Variants in R3HDM4 observed in about 807,000 individuals in gnomAD.
The protein encoded by R3HDM4 is R3H domain containing 4.
A neutral mutation model predicts 31.3 loss-of-function variants in R3HDM4; 30 were observed. The observed-to-expected ratio is 0.96, with a 90% CI of 0.72 to 1.30. The LOEUF is 1.30. Ranked by LOEUF, R3HDM4 falls within the 50% of genes most tolerant of loss-of-function variation. R3HDM4 has a pLI of 0.00. For missense variants in R3HDM4, 444 were observed against 366.1 expected (o/e 1.21, Z -1.74); for synonymous variants, 196 against 156.6 (o/e 1.25, Z -1.88).
intron 1 of R3HDM4, among the ~76,000 whole-genome samples, chr19:911,867 A>G (rs1325744379): frequency 6.6e-6 from 1 of 151,864 alleles, no homozygotes; most frequent in Non-Finnish European, 1.5e-5. Flanking sequence ...GATTTACCCA[A>G]AGGAGAGCAA....
chr19:898,664 A>G (rs1290251336), intron 7 of R3HDM4, among the ~76,000 whole-genome samples: 2 of 150,024 alleles, frequency 1.3e-5, no homozygotes, highest in Non-Finnish European at 3.0e-5. Context: ...TCCGCGCCTC[A>G]GCAGTCCCCT....
chr19:908,161 C>T (rs906651042), intron 1 of R3HDM4, among the ~76,000 whole-genome samples: 22 of 151,926 alleles, frequency 1.4e-4, no homozygotes, highest in African/African-American at 5.3e-4. Context: ...CACTGCACTC[C>T]AGCCTGAGTG....
chr19:911,902 A>C (rs1254685635), intron 1 of R3HDM4, among the ~76,000 whole-genome samples: 1 of 151,718 alleles, frequency 6.6e-6, no homozygotes, highest in Admixed American at 6.6e-5. Flanking sequence ...CCGGAAAGGC[A>C]GGGGGCGCGG....
chr19:902,399 C>A, intron 1 of R3HDM4: 2 of 449,724 alleles, frequency 4.4e-6, no homozygotes, highest in Non-Finnish European at 8.1e-6. Context: ...CACTTGAGCT[C>A]AGGGGTTCAA....
chr19:910,915 C>G (rs181472684), intron 1 of R3HDM4, among the ~76,000 whole-genome samples: 4 of 151,492 alleles, frequency 2.6e-5, no homozygotes, highest in East Asian at 3.9e-4. Context: ...GTCAAGAGAT[C>G]GAGACCATCC....
chr19:903,505 G>C (rs1424086559), intron 1 of R3HDM4, among the ~76,000 whole-genome samples: 1 of 151,906 alleles, frequency 6.6e-6, no homozygotes, highest in Admixed American at 6.6e-5. Flanking sequence ...AGCGGGCGGC[G>C]TTTGGGGGGA....
At position 899,711 on chromosome 19, in the gene R3HDM4, G is replaced by T; in HGVS notation, c.562-25C>A. On this transcript the variant is annotated intron_variant, in intron 5 of 7. Coordinates refer to ENST00000361574, the MANE Select transcript of R3HDM4 (RefSeq NM_138774.4). The surrounding 1 kb of genome is among the most constrained non-coding windows in gnomAD (Gnocchi z 6.8). Reference sequence around the variant, plus strand: ...CCTGGGGAGAGCGGCCCGGTGGTCAGGGAACTGCGGGACCTGTGGGTGGGG... The same window carrying T: ...CCTGGGGAGAGCGGCCCGGTGGTCATGGAACTGCGGGACCTGTGGGTGGGG... 1 of 1,523,878 alleles carries T rather than the reference G, an allele frequency of 6.6e-7. No individual in the cohort carries two copies. Among genetic ancestry groups the T allele is most frequent in the East Asian group, 2.3e-5 (1 of 43,108 alleles). 94.4% of individuals were successfully genotyped at this position (1,523,878 alleles called of 1,614,324 possible). A position where few individuals can be genotyped will look rare whatever the true frequency, so the allele number is the denominator to read the frequency against.
chr19:906,633 T>G (rs8112519), intron 1 of R3HDM4, among the ~76,000 whole-genome samples: 1 of 151,952 alleles, frequency 6.6e-6, no homozygotes, highest in Non-Finnish European at 1.5e-5. Flanking sequence ...AGCTGCCACT[T>G]GCTTGTTTTC....
At chr19:901,573 C>G (rs1445039771) in intron 2 of R3HDM4, 27 bp from the exon 3 acceptor site, 14 of 1,587,024 alleles carry the variant, frequency 8.8e-6, no homozygotes, top group East Asian at 2.3e-5. Flanking sequence ...GCTCTCTGGG[C>G]CGGGGTGGCA....
Position 899,995 on chromosome 19 carries a change from TG to T in R3HDM4, c.561+65del. On this transcript the variant is annotated intron_variant, in intron 5 of 7. Transcript: ENST00000361574. The surrounding 1 kb of genome is among the most constrained non-coding windows in gnomAD (Gnocchi z 6.8). Reference sequence around the variant, plus strand: ...CCTGCACCGGGTGAGAACCTGTGCCTGGGAAACGGGCCTTCAAAAAAGACCA... The same window carrying T: ...CCTGCACCGGGTGAGAACCTGTGCCTGGAAACGGGCCTTCAAAAAAGACCA... 1 of 1,494,902 alleles carries T rather than the reference TG, an allele frequency of 6.7e-7. No homozygotes were observed. Among genetic ancestry groups the T allele is most frequent in the Non-Finnish European group, 9.3e-7 (1 of 1,074,450 alleles). 92.6% of individuals were successfully genotyped at this position (1,494,902 alleles called of 1,614,324 possible). A position where few individuals can be genotyped will look rare whatever the true frequency, so the allele number is the denominator to read the frequency against.
intron 1 of R3HDM4, among the ~76,000 whole-genome samples, chr19:908,925 G>A (rs183939817): frequency 7.6e-4 from 116 of 152,360 alleles, no homozygotes; most frequent in Non-Finnish European, 1.2e-3. Context: ...CCTGGCCTGT[G>A]ACCGGCCCAC....
Position 913,110 on chromosome 19 carries a change from G to T in R3HDM4, c.48C>A (p.Gly16=). 1 of 1,081,148 alleles carries T rather than the reference G, an allele frequency of 9.2e-7. No individual in the cohort carries two copies. Among genetic ancestry groups the T allele is most frequent in the Non-Finnish European group, 1.1e-6 (1 of 892,620 alleles). The allele number at this position is 1,081,148 out of a possible 1,614,324, so 67.0% of individuals were successfully genotyped here. Residue 16 remains glycine (G), a synonymous_variant, in exon 1 of 8, where the codon GGC becomes GGA. Transcript: ENST00000361574. The surrounding 1 kb of genome is among the most constrained non-coding windows in gnomAD (Gnocchi z 5.0). The part of the protein sequence containing the change: ...NPECGPEAAE[G]TPGGRRLLPL... ...ACAGCAGCCGCCGCCCGCCCGGGGT[G>T]CCCTCCGCCGCCTCCGGGCCGCACT...
At chr19:898,624 CA>C (rs71335319) in intron 7 of R3HDM4, among the ~76,000 whole-genome samples, 2 of 150,174 alleles carry the variant, frequency 1.3e-5, no homozygotes, top group East Asian at 1.9e-4. Flanking sequence ...CCAACCAAAA[CA>C]AAAAAAAAGA....
rs950916705 is a variant in R3HDM4 at position 899,339 on chromosome 19, C to G, written c.703+101G>C. 45 of 1,196,396 alleles carry G rather than the reference C, an allele frequency of 3.8e-5. No homozygotes were observed. The highest frequency in any genetic ancestry group is 5.5e-5 in the Non-Finnish European group (45 of 816,582). 74.1% of individuals were successfully genotyped at this position (1,196,396 alleles called of 1,614,324 possible). ...CCCACTCCAGCCCCCTTCCCCACCTCCCCACCAAGCCCCACTCTGAGGAAC... is the reference window on the plus strand; with the variant it reads ...CCCACTCCAGCCCCCTTCCCCACCTGCCCACCAAGCCCCACTCTGAGGAAC... On this transcript the variant is annotated intron_variant, in intron 7 of 7. Coordinates refer to ENST00000361574, the MANE Select transcript of R3HDM4 (RefSeq NM_138774.4). The surrounding 1 kb of genome is among the most constrained non-coding windows in gnomAD (Gnocchi z 6.8).
chr19:907,690 CCTGG>C lies in R3HDM4; in HGVS notation c.71+5393_71+5396del, dbSNP rs2036923745. 6.6e-6 allele frequency among the ~76,000 whole-genome samples: 1 copy of C among 152,168 alleles called. No homozygotes were observed. Among genetic ancestry groups the C allele is most frequent in the African/African-American group, 2.4e-5 (1 of 41,452 alleles). On this transcript the variant is annotated intron_variant, in intron 1 of 7. Transcript: ENST00000361574. The surrounding 1 kb of genome is among the most constrained non-coding windows in gnomAD (Gnocchi z 4.1). ...TCTCCTCCAGGCCCACAAGGACCTG[CCTGG>C]TCCTTCCCCTGCTCCAGCACAGCCC... is the stretch of plus-strand genomic sequence containing the variant.
intron 1 of R3HDM4, chr19:902,385 G>A: frequency 2.0e-6 from 1 of 488,194 alleles, no homozygotes; most frequent in Non-Finnish European, 3.7e-6. Context: ...TGAGGCCGGT[G>A]GATCACTTGA....
At chr19:900,776 C>T (rs1264521823) in intron 4 of R3HDM4, 53 bp downstream of exon 4, 1 of 889,590 alleles carries the variant, frequency 1.1e-6, no homozygotes, top group South Asian at 2.0e-5. Context: ...CCCCAGGCCA[C>T]GCCCCCATCC....
At chr19:904,477 C>T (rs559455961) in intron 1 of R3HDM4, among the ~76,000 whole-genome samples, 2 of 152,288 alleles carry the variant, frequency 1.3e-5, no homozygotes, top group Non-Finnish European at 2.9e-5. Context: ...CAACCCACTC[C>T]ACCCCTGCAA....
chr19:904,318 G>A lies in R3HDM4; in HGVS notation c.72-2188C>T, dbSNP rs569685616. On this transcript the variant is annotated intron_variant, in intron 1 of 7. Coordinates refer to ENST00000361574, the MANE Select transcript of R3HDM4 (RefSeq NM_138774.4). The stretch of plus-strand genomic sequence containing the variant: ...TTGCTGGCTGGCTGTAACCCCCACC[G>A]CCGGCACTCACAGCCAAGCCTCGTT... Among the ~76,000 whole-genome samples, 172 of 152,232 alleles carry A rather than the reference G, an allele frequency of 1.1e-3. No individual in the cohort carries two copies. The Middle Eastern group carries it at 0.014, about 12-fold the overall frequency.
Sources: allele counts gnomAD v4.1 joint callset (sites outside exome capture counted in the v4.1 genomes callset), GRCh38; gene constraint gnomAD v4.1.1; non-coding constraint Gnocchi (gnomAD v3.1); transcripts MANE v1.5; gene names NCBI Gene and HGNC (gene_info 2026-07-23, HGNC 2026-07-21).